CNTNAP2: variants seen among roughly 807,000 people sequenced by gnomAD.
CNTNAP2 encodes the protein contactin-associated protein-like 2.
A neutral mutation model predicts 155.2 loss-of-function variants in CNTNAP2; 98 were observed. The observed-to-expected ratio is 0.63, with a 90% CI of 0.54 to 0.75. The LOEUF (loss-of-function observed/expected upper bound fraction) is 0.75, where lower values mean the gene tolerates loss of function less well. CNTNAP2 is among the 30% of genes least tolerant of loss of function. CNTNAP2 has a pLI of 0.00. For synonymous variants in CNTNAP2, 651 were observed against 631.2 expected, an observed-to-expected ratio of 1.03 and a Z score of -0.47; for missense variants, 1,727 against 1,688.1, an observed-to-expected ratio of 1.02 and a Z score of -0.40.
Position 148,099,415 on chromosome 7 carries a change from T to C in CNTNAP2, c.2384-18703T>C, listed in dbSNP as rs553187503. ...GAGAATTCCTTGCAAGAAAAAAGCATTGCAATTGTGTGTGTGTGTGTGTGT... is the reference window on the plus strand; with the variant it reads ...GAGAATTCCTTGCAAGAAAAAAGCACTGCAATTGTGTGTGTGTGTGTGTGT... On this transcript the variant is annotated intron_variant, in intron 15 of 23. Transcript: ENST00000361727. Among the ~76,000 whole-genome samples the C allele has an allele frequency of 6.0e-3, 780 of 129,410 alleles. 8 individuals are homozygous for C. The highest frequency in any genetic ancestry group is 0.026 in the African/African-American group (737 of 27,902). The allele number at this position is 129,410 out of a possible 152,430, so 84.9% of individuals were successfully genotyped here. A position where few individuals can be genotyped will look rare whatever the true frequency, so the allele number is the denominator to read the frequency against.
chr7:147,576,803 GT>G (rs5888273), intron 12 of CNTNAP2, among the ~76,000 whole-genome samples: 58,145 of 151,720 alleles, frequency 0.38, 11,177 homozygotes, highest in Admixed American at 0.43. Flanking sequence ...CAACTTATAC[GT>G]TTGGGGTAGT....
intron 1 of CNTNAP2, among the ~76,000 whole-genome samples, chr7:146,389,665 G>T (rs1795510917): frequency 6.8e-6 from 1 of 146,588 alleles, no homozygotes; most frequent in African/African-American, 2.5e-5. Context: ...TCTTTTCTCT[G>T]AGCCATATTT....
chr7:146,967,839 A>C (rs1797689232), intron 3 of CNTNAP2, among the ~76,000 whole-genome samples: 1 of 151,908 alleles, frequency 6.6e-6, no homozygotes, highest in Admixed American at 6.6e-5. Context: ...AGAACTTCCA[A>C]CACTATGTTG....
At chr7:147,214,707 A>T (rs1330688035) in intron 8 of CNTNAP2, among the ~76,000 whole-genome samples, 1 of 152,174 alleles carries the variant, frequency 6.6e-6, no homozygotes, top group Non-Finnish European at 1.5e-5. Flanking sequence ...AGCAAATTTG[A>T]AAGGAAGGTA....
At chr7:146,516,759 C>A (rs1797547753) in intron 1 of CNTNAP2, among the ~76,000 whole-genome samples, 1 of 151,876 alleles carries the variant, frequency 6.6e-6, no homozygotes, top group South Asian at 2.1e-4. Context: ...ATGAATCTCC[C>A]CTCTGTTGCC....
intron 13 of CNTNAP2, among the ~76,000 whole-genome samples, chr7:147,884,779 C>T (rs1477389193): frequency 6.6e-6 from 1 of 152,102 alleles, no homozygotes; most frequent in Non-Finnish European, 1.5e-5. Context: ...GATTGGAGGA[C>T]TTTGAATTTG....
At position 148,236,531 on chromosome 7, in the gene CNTNAP2, A is replaced by C. The variant is rs557096343; in HGVS notation, c.3381+6752A>C. On this transcript the variant is annotated intron_variant, in intron 20 of 23. Coordinates refer to ENST00000361727, the MANE Select transcript of CNTNAP2 (RefSeq NM_014141.6). Reference sequence around the variant, plus strand: ...CAAAAAGCAACTGACACACACGACCATTCTGTCTCTTTTGAAGAACTTTCC... The same window carrying C: ...CAAAAAGCAACTGACACACACGACCCTTCTGTCTCTTTTGAAGAACTTTCC... 2.0e-5 allele frequency among the ~76,000 whole-genome samples: 3 copies of C among 152,314 alleles called. No homozygotes were observed. The South Asian group carries it at 6.2e-4, about 32-fold the overall frequency.
chr7:147,821,086 A>C (rs555352631), intron 13 of CNTNAP2, among the ~76,000 whole-genome samples: 2 of 152,300 alleles, frequency 1.3e-5, no homozygotes, highest in African/African-American at 2.4e-5. Context: ...AATGATACTA[A>C]AGACATAGTT....
At chr7:146,206,738 C>T (rs977862492) in intron 1 of CNTNAP2, among the ~76,000 whole-genome samples, 3 of 151,764 alleles carry the variant, frequency 2.0e-5, no homozygotes, top group Non-Finnish European at 4.4e-5. Context: ...TTCACCAGTC[C>T]ATGTTCAGGT....
intron 4 of CNTNAP2, among the ~76,000 whole-genome samples, chr7:147,073,566 G>T (rs145685914): frequency 6.6e-6 from 1 of 152,274 alleles, no homozygotes; most frequent in East Asian, 1.9e-4. Flanking sequence ...TAGAGGGTGA[G>T]AAAAGAAGAG....
At chr7:146,673,541 G>A (rs1273498603) in intron 1 of CNTNAP2, among the ~76,000 whole-genome samples, 8 of 152,164 alleles carry the variant, frequency 5.3e-5, no homozygotes, top group Admixed American at 3.9e-4. Flanking sequence ...GCCTACTCTT[G>A]TAACAAGTAG....
chr7:147,079,590 A>G (rs1441279072), intron 4 of CNTNAP2, among the ~76,000 whole-genome samples: 2 of 149,182 alleles, frequency 1.3e-5, no homozygotes, highest in Non-Finnish European at 3.0e-5. Context: ...AACTTAAAGT[A>G]TAATAATAAT....
At chr7:147,390,624 G>T (rs936214583) in intron 9 of CNTNAP2, among the ~76,000 whole-genome samples, 10 of 151,918 alleles carry the variant, frequency 6.6e-5, no homozygotes, top group African/African-American at 2.4e-4. Flanking sequence ...ACTACTTGAG[G>T]GTTTCCATGG....
chr7:146,336,337 A>G (rs1014988911), intron 1 of CNTNAP2, among the ~76,000 whole-genome samples: 1 of 152,204 alleles, frequency 6.6e-6, no homozygotes, highest in Non-Finnish European at 1.5e-5. Flanking sequence ...ATGCTTCCAC[A>G]GAAATACTTT....
chr7:147,184,768 C>A (rs572125983), intron 8 of CNTNAP2, among the ~76,000 whole-genome samples: 2 of 152,008 alleles, frequency 1.3e-5, no homozygotes, highest in African/African-American at 2.4e-5. Context: ...AAGAAGGGAT[C>A]GCAATGTACT....
At chr7:146,939,483 CTT>C (rs1234838593) in intron 3 of CNTNAP2, among the ~76,000 whole-genome samples, 1 of 152,134 alleles carries the variant, frequency 6.6e-6, no homozygotes. Context: ...TCTGAAATAT[CTT>C]TTCCAGCAAA....
intron 1 of CNTNAP2, among the ~76,000 whole-genome samples, chr7:146,333,741 C>G (rs562284103): frequency 7.9e-4 from 121 of 152,248 alleles, no homozygotes; most frequent in African/African-American, 2.7e-3. Context: ...AAAACTGGTA[C>G]TTTCGGTTGG....
chr7:148,082,225 A>C (rs1381762554), intron 15 of CNTNAP2, among the ~76,000 whole-genome samples: 1 of 152,206 alleles, frequency 6.6e-6, no homozygotes, highest in Non-Finnish European at 1.5e-5. Context: ...GTGGCTGTGG[A>C]TAAAAGCTAA....
intron 3 of CNTNAP2, among the ~76,000 whole-genome samples, chr7:146,957,064 G>T (rs942692195): frequency 3.3e-5 from 5 of 152,068 alleles, no homozygotes; most frequent in Non-Finnish European, 7.4e-5. Context: ...CAAGAAATGT[G>T]TCATTAGGCA....
Sources: allele counts gnomAD v4.1 joint callset (sites outside exome capture counted in the v4.1 genomes callset), GRCh38; gene constraint gnomAD v4.1.1; transcripts MANE v1.5; gene names NCBI Gene and HGNC (gene_info 2026-07-23, HGNC 2026-07-21).